The following WWOX variants were observed in gnomAD, a reference collection of about 807,000 sequenced individuals.
WWOX encodes the protein WW domain containing oxidoreductase, also known as WW domain-containing oxidoreductase.
WWOX carries 69 observed loss-of-function variants against 46.2 expected under a neutral mutation model. The observed-to-expected ratio is 1.49, with a 90% CI of 1.23 to 1.82. WWOX has a LOEUF of 1.82. Ranked by LOEUF, WWOX falls within the 40% of genes most tolerant of loss-of-function variation. WWOX has a pLI of 0.00. For synonymous variants in WWOX, 359 were observed against 202.6 expected (o/e 1.77, Z -6.56); for missense variants, 919 against 542.6 (o/e 1.69, Z -6.89).
At chr16:78,781,368 C>T (rs796455375) in intron 8 of WWOX, among the ~76,000 whole-genome samples, 12 of 152,294 alleles carry the variant, frequency 7.9e-5, no homozygotes, top group African/African-American at 2.9e-4. Flanking sequence ...CCCCACCTTG[C>T]TATCCACCAC....
intron 8 of WWOX, among the ~76,000 whole-genome samples, chr16:78,783,300 G>A (rs1282583498): frequency 6.6e-6 from 1 of 152,236 alleles, no homozygotes; most frequent in Non-Finnish European, 1.5e-5. Flanking sequence ...GTGGCACTGT[G>A]CAGTTGAATG....
chr16:79,183,278 G>C (rs1315750953), intron 8 of WWOX, among the ~76,000 whole-genome samples: 1 of 152,204 alleles, frequency 6.6e-6, no homozygotes, highest in East Asian at 1.9e-4. Context: ...AAGGCTCCCT[G>C]TGAGGCTTGC....
chr16:78,199,040 G>A (rs1875836386), intron 5 of WWOX, among the ~76,000 whole-genome samples: 1 of 151,930 alleles, frequency 6.6e-6, no homozygotes, highest in African/African-American at 2.4e-5. Flanking sequence ...CCACTCTGTA[G>A]CCATAATTAA....
chr16:79,145,182 C>T (rs1367382220), intron 8 of WWOX, among the ~76,000 whole-genome samples: 2 of 151,996 alleles, frequency 1.3e-5, no homozygotes, highest in African/African-American at 4.8e-5. Context: ...TGTTTTTATT[C>T]TCTATCAGTG....
At chr16:78,437,775 A>G (rs1417569971) in intron 8 of WWOX, among the ~76,000 whole-genome samples, 1 of 152,224 alleles carries the variant, frequency 6.6e-6, no homozygotes, top group Non-Finnish European at 1.5e-5. Flanking sequence ...GGAAACTAAC[A>G]TTTGCTGAGT....
intron 8 of WWOX, among the ~76,000 whole-genome samples, chr16:78,964,954 G>A (rs1401687432): frequency 6.6e-6 from 1 of 152,214 alleles, no homozygotes; most frequent in Non-Finnish European, 1.5e-5. Flanking sequence ...TGAGTGTGTG[G>A]GGGCACAGAA....
At chr16:78,892,225 C>A (rs2044605963) in intron 8 of WWOX, 1 of 152,098 alleles carries the variant, frequency 6.6e-6, no homozygotes, top group Non-Finnish European at 1.5e-5. Context: ...AGGAAGTCAA[C>A]CATTAGCAAC....
At chr16:78,780,720 C>G (rs889986881) in intron 8 of WWOX, among the ~76,000 whole-genome samples, 1 of 152,148 alleles carries the variant, frequency 6.6e-6, no homozygotes, top group Non-Finnish European at 1.5e-5. Context: ...TGCAGGGTCC[C>G]TGAGGCAGAA....
At chr16:78,533,925 A>G (rs2043693718) in intron 8 of WWOX, among the ~76,000 whole-genome samples, 1 of 152,196 alleles carries the variant, frequency 6.6e-6, no homozygotes, top group Non-Finnish European at 1.5e-5. Flanking sequence ...GCTCCCCAGT[A>G]ACCAGTACAG....
intron 8 of WWOX, among the ~76,000 whole-genome samples, chr16:78,520,373 A>G (rs1382743057): frequency 6.6e-6 from 1 of 152,158 alleles, no homozygotes; most frequent in Non-Finnish European, 1.5e-5. Context: ...TCACAGTATT[A>G]ATTGATTTTC....
intron 8 of WWOX, among the ~76,000 whole-genome samples, chr16:78,560,439 T>A (rs2044408733): frequency 6.6e-6 from 1 of 152,088 alleles, no homozygotes; most frequent in Non-Finnish European, 1.5e-5. Context: ...GGTCAGGAGT[T>A]CAAAACCAGC....
intron 8 of WWOX, among the ~76,000 whole-genome samples, chr16:79,122,772 GA>G (rs1273955371): frequency 6.6e-6 from 1 of 152,158 alleles, no homozygotes; most frequent in Non-Finnish European, 1.5e-5. Flanking sequence ...CTCATTGTAG[GA>G]AAAAGGGCCA....
At chr16:78,363,446 TA>T (rs10712429) in intron 5 of WWOX, among the ~76,000 whole-genome samples, 126,843 of 151,198 alleles carry the variant, frequency 0.84, 53,982 homozygotes, top group Non-Finnish European at 0.9. Context: ...GCTGATTATT[TA>T]AAAAAAAATT....
At chr16:79,181,643 G>A (rs79465818) in intron 8 of WWOX, among the ~76,000 whole-genome samples, 1 of 152,056 alleles carries the variant, frequency 6.6e-6, no homozygotes, top group South Asian at 2.1e-4. Context: ...CAGCCTTTGG[G>A]TGGTATCCAG....
At chr16:78,329,866 C>T (rs1018676125) in intron 5 of WWOX, among the ~76,000 whole-genome samples, 1 of 151,894 alleles carries the variant, frequency 6.6e-6, no homozygotes, top group Non-Finnish European at 1.5e-5. Context: ...CCCACCTCAA[C>T]CTCCCAAGTA....
intron 8 of WWOX, among the ~76,000 whole-genome samples, chr16:78,578,274 ATATATATATATT>A (rs1207387062): frequency 1.3e-4 from 4 of 31,204 alleles, no homozygotes; most frequent in East Asian, 7.5e-4. Flanking sequence ...ATATATATAT[ATATATATATATT>A]TTTTTTTTTT....
At chr16:78,764,359 C>A (rs192421341) in intron 8 of WWOX, among the ~76,000 whole-genome samples, 5 of 151,500 alleles carry the variant, frequency 3.3e-5, no homozygotes, top group Admixed American at 6.6e-5. Context: ...GTGAGCTTGA[C>A]ACAGGAGGCC....
At chr16:78,794,894 T>A (rs2050697411) in intron 8 of WWOX, among the ~76,000 whole-genome samples, 1 of 152,206 alleles carries the variant, frequency 6.6e-6, no homozygotes, top group African/African-American at 2.4e-5. Flanking sequence ...AAGAAATGAC[T>A]TGCCTTTTGT....
intron 8 of WWOX, among the ~76,000 whole-genome samples, chr16:78,508,310 C>CTTTTTTTTTTTTTTTT (rs60281450): frequency 2.7e-5 from 3 of 112,770 alleles, no homozygotes; most frequent in African/African-American, 4.3e-5. Flanking sequence ...TGCGCCCGGC[C>CTTTTTTTTTTTTTTTT]TTTTTTTTTT....
Sources: gnomAD v4.1 joint callset for allele counts (sites outside exome capture counted in the v4.1 genomes callset) on GRCh38, gnomAD v4.1.1 for gene constraint, MANE v1.5 for transcripts, NCBI Gene and HGNC (gene_info 2026-07-23, HGNC 2026-07-21) for gene names.